PACRG: variants seen among roughly 807,000 people sequenced by gnomAD.
PACRG encodes parkin coregulated gene protein.
PACRG carries 29 observed loss-of-function variants against 29.7 expected under a neutral mutation model. That is an observed-to-expected ratio of 0.98 (90% CI 0.73 to 1.33). The LOEUF is 1.33. PACRG is among the 40% of genes most tolerant of loss of function. The pLI, the probability that PACRG is intolerant of heterozygous loss-of-function variation, is 0.00. For synonymous variants in PACRG, 116 were observed against 118.7 expected (o/e 0.98, Z 0.15); for missense variants, 279 against 316.2 (o/e 0.88, Z 0.89).
chr6:163,244,092 C>T (rs547600471), intron 4 of PACRG, among the ~76,000 whole-genome samples: 3 of 152,280 alleles, frequency 2.0e-5, no homozygotes, highest in Non-Finnish European at 4.4e-5. Flanking sequence ...TTCACAAAGA[C>T]GAATAATTTC....
At chr6:163,192,283 T>C (rs1780248793) in intron 4 of PACRG, among the ~76,000 whole-genome samples, 1 of 152,252 alleles carries the variant, frequency 6.6e-6, no homozygotes, top group Non-Finnish European at 1.5e-5. Flanking sequence ...GCAAGGATTA[T>C]TTCAGTTCCC....
chr6:162,976,880 A>T (rs1802003609), intron 2 of PACRG, among the ~76,000 whole-genome samples: 1 of 152,148 alleles, frequency 6.6e-6, no homozygotes, highest in South Asian at 2.1e-4. Context: ...AATAAAAATG[A>T]AAGTAGGGTG....
chr6:163,092,473 A>G (rs1043716283), intron 4 of PACRG, among the ~76,000 whole-genome samples: 1 of 152,222 alleles, frequency 6.6e-6, no homozygotes, highest in African/African-American at 2.4e-5. Flanking sequence ...CTAGCAGAGA[A>G]AGTGGCTGTA....
intron 4 of PACRG, chr6:163,165,965 G>T (rs1380663796): frequency 1.0e-5 from 4 of 382,054 alleles, no homozygotes; most frequent in African/African-American, 2.1e-5. Flanking sequence ...TTTTTAAAAC[G>T]TTATGATTCT....
intron 1 of PACRG, among the ~76,000 whole-genome samples, chr6:162,804,731 A>C (rs538124597): frequency 5.9e-5 from 9 of 152,160 alleles, no homozygotes; most frequent in Non-Finnish European, 1.5e-5. Context: ...TGATGGCTCA[A>C]ATCACTTGAA....
chr6:162,819,354 A>T (rs935473332), intron 2 of PACRG, among the ~76,000 whole-genome samples: 4 of 152,220 alleles, frequency 2.6e-5, no homozygotes, highest in Non-Finnish European at 5.9e-5. Context: ...TTAAAAAATG[A>T]CTTATTAATC....
chr6:162,835,526 A>G (rs1789146562), intron 2 of PACRG, among the ~76,000 whole-genome samples: 1 of 152,168 alleles, frequency 6.6e-6, no homozygotes, highest in Admixed American at 6.5e-5. Context: ...ATGTTAAAAT[A>G]TCTGCAAACA....
intron 2 of PACRG, among the ~76,000 whole-genome samples, chr6:163,006,051 A>G (rs1446230561): frequency 6.9e-6 from 1 of 145,188 alleles, no homozygotes; most frequent in Non-Finnish European, 1.5e-5. Flanking sequence ...ATATATAACT[A>G]TGTATAACAT....
chr6:162,827,599 G>A (rs1788394104), intron 2 of PACRG, among the ~76,000 whole-genome samples: 1 of 152,142 alleles, frequency 6.6e-6, no homozygotes, highest in Non-Finnish European at 1.5e-5. Context: ...AATTTTGCAT[G>A]CTATTACTGT....
At chr6:163,008,522 T>C (rs529576599) in intron 2 of PACRG, among the ~76,000 whole-genome samples, 71 of 151,558 alleles carry the variant, frequency 4.7e-4, no homozygotes, top group Non-Finnish European at 8.8e-4. Context: ...TTCTCCAATT[T>C]GAGAGGCCCA....
rs1812839039 is a variant in PACRG, at chr6:163,079,198, A to G, written c.464-10061A>G. 3.3e-5 allele frequency among the ~76,000 whole-genome samples: 5 copies of G among 152,092 alleles called. 2 individuals are homozygous for G. The South Asian group carries it at 1.0e-3, about 32-fold the overall frequency. On this transcript the variant is annotated intron_variant, in intron 3 of 4. Transcript: ENST00000366888. Reference sequence around the variant, plus strand: ...ATTTTTATATCCTTGGTTTTCCTTCATGGTCATGTCTCTGCAGACTTCTAA... The same window carrying G: ...ATTTTTATATCCTTGGTTTTCCTTCGTGGTCATGTCTCTGCAGACTTCTAA...
intron 2 of PACRG, among the ~76,000 whole-genome samples, chr6:162,980,181 C>A (rs1329119651): frequency 6.6e-6 from 1 of 151,886 alleles, no homozygotes; most frequent in Non-Finnish European, 1.5e-5. Context: ...TACACACACA[C>A]ACACACACGC....
chr6:163,129,932 A>C (rs561410210), intron 4 of PACRG, among the ~76,000 whole-genome samples: 1 of 152,240 alleles, frequency 6.6e-6, no homozygotes, highest in South Asian at 2.1e-4. Flanking sequence ...GGGGTGGATC[A>C]TTCCAGAAAA....
At chr6:163,117,794 G>A (rs1816079883) in intron 4 of PACRG, among the ~76,000 whole-genome samples, 1 of 151,860 alleles carries the variant, frequency 6.6e-6, no homozygotes, top group Non-Finnish European at 1.5e-5. Flanking sequence ...GGGAGGCAAG[G>A]TCACTATGTG....
chr6:162,962,074 C>T (rs1800667660), intron 2 of PACRG, among the ~76,000 whole-genome samples: 1 of 152,188 alleles, frequency 6.6e-6, no homozygotes, highest in South Asian at 2.1e-4. Context: ...GCCTGCTCTT[C>T]TGTCTAGGCT....
chr6:163,083,346 C>G (rs1813252163), intron 3 of PACRG, among the ~76,000 whole-genome samples: 1 of 152,152 alleles, frequency 6.6e-6, no homozygotes, highest in Non-Finnish European at 1.5e-5. Flanking sequence ...CTCTCTGTGA[C>G]CTGGAAGCTC....
At chr6:162,873,949 G>A (rs1380506209) in intron 2 of PACRG, among the ~76,000 whole-genome samples, 3 of 151,934 alleles carry the variant, frequency 2.0e-5, no homozygotes, top group African/African-American at 7.3e-5. Flanking sequence ...TTCAATAAAC[G>A]AAACCAAGCT....
chr6:163,203,004 C>T (rs751847992), intron 4 of PACRG, among the ~76,000 whole-genome samples: 1 of 152,136 alleles, frequency 6.6e-6, no homozygotes, highest in Non-Finnish European at 1.5e-5. Flanking sequence ...GGGGGAAGCA[C>T]CTTCGGTTGC....
chr6:162,895,102 C>CT (rs1795064799), intron 2 of PACRG, among the ~76,000 whole-genome samples: 1 of 145,418 alleles, frequency 6.9e-6, no homozygotes, highest in African/African-American at 2.5e-5. Context: ...TCTCTACCCC[C>CT]CCGCCCCCAA....
Sources: gnomAD v4.1 joint callset for allele counts (sites outside exome capture counted in the v4.1 genomes callset) on GRCh38, gnomAD v4.1.1 for gene constraint, MANE v1.5 for transcripts, NCBI Gene and HGNC (gene_info 2026-07-23, HGNC 2026-07-21) for gene names.